Variants in FGFR2 observed in about 807,000 individuals in gnomAD.
The protein encoded by FGFR2 is BEK fibroblast growth factor receptor.
Under a neutral mutation model 95.9 loss-of-function variants are expected in FGFR2, and 19 were observed. The observed-to-expected ratio is 0.20, with a 90% CI of 0.14 to 0.29. The LOEUF (loss-of-function observed/expected upper bound fraction) is 0.29, where lower values mean the gene tolerates loss of function less well. Among genes scored for constraint, FGFR2 ranks in the 10% least tolerant of loss-of-function variants. The pLI, the probability that FGFR2 is intolerant of heterozygous loss-of-function variation, is 1.00. For missense variants in FGFR2, 707 were observed against 1,056.9 expected, an observed-to-expected ratio of 0.67 and a Z score of 4.59; for synonymous variants, 392 against 393.3, an observed-to-expected ratio of 1.00 and a Z score of 0.04.
rs1366161876 is a variant in FGFR2 at position 121,518,247 on chromosome 10, T to A, written c.940-784A>T. 1.3e-5 allele frequency among the ~76,000 whole-genome samples: 2 copies of A among 152,198 alleles called. No homozygotes were observed. The highest frequency in any genetic ancestry group is 4.8e-5 in the African/African-American group (2 of 41,448). ...ATCAACCATGCAACCAAAGAAATGA[T>A]GCTTTGTTGAACAAATTGCATCTTG... On this transcript the variant is annotated intron_variant, in intron 7 of 17. Coordinates refer to ENST00000358487, the MANE Select transcript of FGFR2 (RefSeq NM_000141.5). This position sits in a 1 kb window ranked among gnomAD's most constrained non-coding sequence, Gnocchi z 4.0.
At chr10:121,482,556 T>C (rs1169135529) in intron 17 of FGFR2, among the ~76,000 whole-genome samples, 2 of 152,232 alleles carry the variant, frequency 1.3e-5, no homozygotes, top group South Asian at 2.1e-4. Flanking sequence ...TTGGAGTTAG[T>C]TTCCTGTGTA....
chr10:121,515,034 G>T, intron 9 of FGFR2, 83 bp downstream of exon 9: 2 of 1,300,578 alleles, frequency 1.5e-6, no homozygotes, highest in Admixed American at 1.8e-5. Context: ...AGAAGTCGAT[G>T]GCATCAAAGC....
intron 4 of FGFR2, among the ~76,000 whole-genome samples, chr10:121,562,688 A>G (rs1857158304): frequency 6.6e-6 from 1 of 152,236 alleles, no homozygotes; most frequent in Admixed American, 6.5e-5. Context: ...ATGAAAAGAC[A>G]TGAGAGAAAC....
At chr10:121,554,333 C>CTTT (rs59481441) in intron 4 of FGFR2, among the ~76,000 whole-genome samples, 48 of 139,960 alleles carry the variant, frequency 3.4e-4, no homozygotes, top group Admixed American at 1.9e-3. Context: ...GGGAGGAAGT[C>CTTT]TTTTTTTTTT....
In FGFR2 at chr10:121,593,697, T is replaced by C. The variant is rs1190227605; in HGVS notation, c.109+12A>G. ...CCAAAACAAACCTGAAAAGTGAAAT[T>C]AAATGACTTACCTTCTGGCTCTAAT... On this transcript the variant is annotated intron_variant, in intron 2 of 17. Coordinates refer to ENST00000358487, the MANE Select transcript of FGFR2 (RefSeq NM_000141.5). The C allele has an allele frequency of 6.2e-7, 1 of 1,611,834 alleles. No individual in the cohort carries two copies. The highest frequency in any genetic ancestry group is 8.5e-7 in the Non-Finnish European group (1 of 1,177,992).
intron 5 of FGFR2, among the ~76,000 whole-genome samples, chr10:121,545,804 A>AT (rs981698126): frequency 6.6e-6 from 1 of 152,236 alleles, no homozygotes; most frequent in African/African-American, 2.4e-5. Flanking sequence ...AGTAGTGATT[A>AT]TAACAAAAGT....
At chr10:121,503,964 C>CA in intron 9 of FGFR2, 23 bp from the exon 10 acceptor site, 1 of 1,613,642 alleles carries the variant, frequency 6.2e-7, no homozygotes, top group Non-Finnish European at 8.5e-7. Flanking sequence ...TGCAAAGACA[C>CA]AGATGTAATC....
intron 6 of FGFR2, among the ~76,000 whole-genome samples, chr10:121,523,691 T>G (rs1025544943): frequency 1.3e-5 from 2 of 152,168 alleles, no homozygotes; most frequent in Non-Finnish European, 2.9e-5. Context: ...CGTTTTCCAG[T>G]TTTGCACTTG....
At chr10:121,483,622 G>C in intron 17 of FGFR2, 76 bp downstream of exon 17, 1 of 1,025,732 alleles carries the variant, frequency 9.7e-7, no homozygotes, top group Non-Finnish European at 1.5e-6. Flanking sequence ...AGCCAACAGG[G>C]GAGTGTGTGT....
At position 121,593,911 on chromosome 10, in the gene FGFR2, T is replaced by A. The variant is rs1863062255; in HGVS notation, c.-94A>T. 1 of 1,176,984 alleles carries A rather than the reference T, an allele frequency of 8.5e-7. No homozygotes were observed. 72.9% of individuals were successfully genotyped at this position (1,176,984 alleles called of 1,614,324 possible). On this transcript the variant is annotated 5_prime_UTR_variant, in exon 2 of 18. Coordinates refer to ENST00000358487, the MANE Select transcript of FGFR2 (RefSeq NM_000141.5). ...CTCTACGGGCATGGACTACGCGCAA[T>A]GCCTTCAGCCTGCGGTGGGCTCAGG...
intron 4 of FGFR2, among the ~76,000 whole-genome samples, chr10:121,555,615 G>A (rs999710964): frequency 6.6e-6 from 1 of 152,132 alleles, no homozygotes; most frequent in African/African-American, 2.4e-5. Flanking sequence ...TAGACCTTCT[G>A]ATGTAATAGG....
chr10:121,551,634 G>A (rs566379040), intron 4 of FGFR2, among the ~76,000 whole-genome samples, 175 bp from the exon 5 acceptor site: 2 of 152,006 alleles, frequency 1.3e-5, no homozygotes, highest in South Asian at 4.2e-4. Flanking sequence ...AGCTGGCTGA[G>A]CAGAAGGTCC....
In FGFR2 at chr10:121,593,890, A is replaced by C; in HGVS notation, c.-73T>G. 1.5e-6 allele frequency: 2 copies of C among 1,370,790 alleles called. No individual in the cohort carries two copies. Among genetic ancestry groups the C allele is most frequent in the Non-Finnish European group, 2.1e-6 (2 of 959,364 alleles). 84.9% of individuals were successfully genotyped at this position (1,370,790 alleles called of 1,614,324 possible). ...TTAATCCCATCTGCACACTTCCTCT[A>C]CGGGCATGGACTACGCGCAATGCCT... On this transcript the variant is annotated 5_prime_UTR_variant, in exon 2 of 18. Coordinates refer to ENST00000358487, the MANE Select transcript of FGFR2 (RefSeq NM_000141.5).
At chr10:121,504,010 GC>G (rs1847951103) in intron 9 of FGFR2, 69 bp from the exon 10 acceptor site, 2 of 1,579,142 alleles carry the variant, frequency 1.3e-6, no homozygotes, top group Admixed American at 1.7e-5. Flanking sequence ...GTCAGCCAGA[GC>G]CCAGCCAGAG....
At position 121,517,165 on chromosome 10, in the gene FGFR2, G is replaced by T; in HGVS notation, c.1084+154C>A. On this transcript the variant is annotated intron_variant, in intron 8 of 17. Transcript: ENST00000358487. This position sits in a 1 kb window ranked among gnomAD's most constrained non-coding sequence, Gnocchi z 4.7. ...ATCTCACTGTGTGTGAATTTCCAAG[G>T]CAGTTTTCTTATCCCTGAGGGATCA... The T allele has an allele frequency of 1.2e-6, 1 of 810,242 alleles. No homozygotes were observed. Among genetic ancestry groups the T allele is most frequent in the Non-Finnish European group, 2.1e-6 (1 of 487,798 alleles). 50.2% of individuals were successfully genotyped at this position (810,242 alleles called of 1,614,324 possible).
At chr10:121,506,357 CAAAAAAAAAA>C (rs10678814) in intron 9 of FGFR2, among the ~76,000 whole-genome samples, 2 of 101,174 alleles carry the variant, frequency 2.0e-5, no homozygotes, top group Admixed American at 2.4e-4. Context: ...GACTCCGTCT[CAAAAAAAAAA>C]AAAAAAAAAG....
chr10:121,482,020 G>A, intron 17 of FGFR2: 2 of 584,996 alleles, frequency 3.4e-6, no homozygotes, highest in Non-Finnish European at 6.1e-6. Context: ...TGTATCTTTA[G>A]TAGAGACAGG....
chr10:121,571,585 G>A (rs1345401129), intron 2 of FGFR2, among the ~76,000 whole-genome samples: 3 of 151,884 alleles, frequency 2.0e-5, no homozygotes, highest in Non-Finnish European at 2.9e-5. Flanking sequence ...AGGATTACAG[G>A]TGGTAGCCAC....
intron 5 of FGFR2, among the ~76,000 whole-genome samples, chr10:121,548,225 G>C (rs1244973893): frequency 7.7e-6 from 1 of 130,296 alleles, no homozygotes; most frequent in African/African-American, 2.8e-5. Context: ...CCAAATGTGT[G>C]GCCCTCTGCC....
Sources: allele counts gnomAD v4.1 joint callset (sites outside exome capture counted in the v4.1 genomes callset), GRCh38; gene constraint gnomAD v4.1.1; non-coding constraint Gnocchi (gnomAD v3.1); transcripts MANE v1.5; gene names NCBI Gene and HGNC (gene_info 2026-07-23, HGNC 2026-07-21).